Variants in CLDN10 observed in about 807,000 individuals in gnomAD.
CLDN10 encodes the protein claudin 10.
In CLDN10, 15 loss-of-function variants were observed where a neutral mutation model predicts 22.9. That is an observed-to-expected ratio of 0.65 (90% CI 0.44 to 1.01). The LOEUF is 1.01. Among genes scored for constraint, CLDN10 ranks in the 50% least tolerant of loss-of-function variants. CLDN10 has a pLI of 0.00. For missense variants in CLDN10, 247 were observed against 287.8 expected (o/e 0.86, Z 1.03); for synonymous variants, 114 against 111.4 (o/e 1.02, Z -0.15).
chr13:95,560,709 A>C, intron 3 of CLDN10: 1 of 480,180 alleles, frequency 2.1e-6, no homozygotes, highest in South Asian at 2.4e-5. Context: ...TAGAACTATA[A>C]ACTTCATCGT....
At chr13:95,552,642 G>A, upstream of CLDN10, 2 of 1,327,892 alleles carry the variant, frequency 1.5e-6, no homozygotes, top group Non-Finnish European at 2.0e-6. Flanking sequence ...CGGGGTGGTG[G>A]GCGGGGACGG....
intron 1 of CLDN10, among the ~76,000 whole-genome samples, chr13:95,511,676 T>C (rs1344373022): frequency 2.0e-5 from 3 of 151,412 alleles, no homozygotes; most frequent in African/African-American, 7.3e-5. Flanking sequence ...TATATCTGTT[T>C]TTGATGTTAA....
At chr13:95,526,080 T>C (rs571377710) in intron 1 of CLDN10, among the ~76,000 whole-genome samples, 9 of 152,346 alleles carry the variant, frequency 5.9e-5, no homozygotes, top group Admixed American at 2.6e-4. Context: ...AACCTTCCAT[T>C]GTGTTTTTAT....
intron 1 of CLDN10, among the ~76,000 whole-genome samples, chr13:95,506,687 A>G (rs1316876911): frequency 3.3e-5 from 5 of 152,206 alleles, no homozygotes; most frequent in Admixed American, 3.3e-4. Context: ...CTCCATCAAC[A>G]CTGTCTGATT....
chr13:95,468,603 G>A (rs2042601203), intron 1 of CLDN10, among the ~76,000 whole-genome samples: 1 of 152,080 alleles, frequency 6.6e-6, no homozygotes, highest in South Asian at 2.1e-4. Flanking sequence ...GCATACACTT[G>A]TAATCCCAGC....
intron 1 of CLDN10, among the ~76,000 whole-genome samples, chr13:95,449,320 C>T (rs894201503): frequency 5.9e-5 from 9 of 151,836 alleles, no homozygotes; most frequent in African/African-American, 1.7e-4. Flanking sequence ...GGCGCAACCT[C>T]GGCTCACTGC....
chr13:95,568,808 G>T (rs2043818524), intron 3 of CLDN10, among the ~76,000 whole-genome samples: 1 of 152,124 alleles, frequency 6.6e-6, no homozygotes, highest in South Asian at 2.1e-4. Flanking sequence ...CTCCTAGAAT[G>T]GTAAGACGGA....
chr13:95,495,351 TAGCAAATATTTATTGGGTATTACC>T (rs1236317564), intron 1 of CLDN10, among the ~76,000 whole-genome samples: 1 of 151,960 alleles, frequency 6.6e-6, no homozygotes, highest in African/African-American at 2.4e-5. Context: ...TGCATATATT[TAGCAAATATTTATTGGGTATTACC>T]AGGACTAAAC....
chr13:95,449,116 A>G (rs1323595346), intron 1 of CLDN10, among the ~76,000 whole-genome samples: 1 of 152,110 alleles, frequency 6.6e-6, no homozygotes, highest in African/African-American at 2.4e-5. Flanking sequence ...TAAATACTCC[A>G]TAATGATCCA....
intron 1 of CLDN10, among the ~76,000 whole-genome samples, chr13:95,482,689 T>G (rs1297187883): frequency 6.6e-6 from 1 of 152,126 alleles, no homozygotes; most frequent in Non-Finnish European, 1.5e-5. Flanking sequence ...TATAAATGAA[T>G]AAACTGGCTG....
intron 1 of CLDN10, among the ~76,000 whole-genome samples, chr13:95,504,315 A>G (rs2138545632): frequency 6.6e-6 from 1 of 152,362 alleles, no homozygotes; most frequent in East Asian, 1.9e-4. Context: ...AGTCCTCTGC[A>G]AGAAACATTA....
intron 1 of CLDN10, among the ~76,000 whole-genome samples, chr13:95,522,901 T>A (rs538569903): frequency 1.3e-5 from 2 of 152,002 alleles, no homozygotes; most frequent in African/African-American, 4.8e-5. Context: ...ACATTATATA[T>A]CTTTTTCATT....
At chr13:95,456,165 G>A (rs533913553) in intron 1 of CLDN10, among the ~76,000 whole-genome samples, 2 of 152,280 alleles carry the variant, frequency 1.3e-5, no homozygotes, top group South Asian at 2.1e-4. Flanking sequence ...ATCATTTGGG[G>A]TGAAACTTTT....
At chr13:95,547,562 C>G (rs2043522620) in intron 1 of CLDN10, among the ~76,000 whole-genome samples, 1 of 152,216 alleles carries the variant, frequency 6.6e-6, no homozygotes, top group Admixed American at 6.5e-5. Context: ...TACATTGTCT[C>G]TATTCTTCAC....
chr13:95,478,411 G>C (rs1027963597), intron 1 of CLDN10, among the ~76,000 whole-genome samples: 3 of 152,202 alleles, frequency 2.0e-5, no homozygotes, highest in Admixed American at 2.0e-4. Flanking sequence ...GATGTAGAGC[G>C]TTTACAGAAC....
intron 1 of CLDN10, among the ~76,000 whole-genome samples, chr13:95,445,655 G>T (rs140119557): frequency 1.3e-5 from 2 of 152,178 alleles, no homozygotes; most frequent in African/African-American, 2.4e-5. Flanking sequence ...TTTCCAATAC[G>T]TACCAAGATC....
At chr13:95,480,066 G>C (rs35896933) in intron 1 of CLDN10, 70,421 of 151,996 alleles carry the variant, frequency 0.46, 16,471 homozygotes, top group Non-Finnish European at 0.49. Flanking sequence ...GGTGGAAGGT[G>C]AAGGAGGAAC....
At chr13:95,528,878 G>T (rs958499047) in intron 1 of CLDN10, among the ~76,000 whole-genome samples, 2 of 152,172 alleles carry the variant, frequency 1.3e-5, no homozygotes, top group Admixed American at 1.3e-4. Context: ...AGTTAAGTAG[G>T]TCATTAAGAC....
intron 1 of CLDN10, among the ~76,000 whole-genome samples, chr13:95,437,849 A>G (rs1486948902): frequency 6.6e-6 from 1 of 152,152 alleles, no homozygotes; most frequent in Non-Finnish European, 1.5e-5. Context: ...GACTTCAGCA[A>G]TGACATCTTC....
Sources: gnomAD v4.1 joint callset for allele counts (sites outside exome capture counted in the v4.1 genomes callset) on GRCh38, gnomAD v4.1.1 for gene constraint, MANE v1.5 for transcripts, NCBI Gene and HGNC (gene_info 2026-07-23, HGNC 2026-07-21) for gene names.